RBMS3: variants seen among roughly 807,000 people sequenced by gnomAD.
RBMS3 encodes the protein RNA binding motif single stranded interacting protein 3.
A neutral mutation model predicts 66.8 loss-of-function variants in RBMS3; 27 were observed. That is an observed-to-expected ratio of 0.40 (90% CI 0.30 to 0.56). The LOEUF is 0.56. Ranked by LOEUF, RBMS3 falls within the 20% of genes least tolerant of loss-of-function variation. The probability of loss-of-function intolerance (pLI) is 0.40; values close to 1 mark genes in which losing one functional copy is unlikely to be tolerated. For synonymous variants in RBMS3, 188 were observed against 183.0 expected, an observed-to-expected ratio of 1.03 and a Z score of -0.22; for missense variants, 513 against 549.5, an observed-to-expected ratio of 0.93 and a Z score of 0.66.
intron 1 of RBMS3, among the ~76,000 whole-genome samples, chr3:29,410,740 C>T (rs1411750512): frequency 6.6e-6 from 1 of 151,868 alleles, no homozygotes; most frequent in Non-Finnish European, 1.5e-5. Flanking sequence ...CATGATGAGC[C>T]CTCTGTTTAA....
chr3:29,514,973 G>C (rs1374978575), intron 3 of RBMS3, among the ~76,000 whole-genome samples: 2 of 152,034 alleles, frequency 1.3e-5, no homozygotes, highest in Admixed American at 6.6e-5. Context: ...GCATTTCACA[G>C]ATGAGGGTAA....
intron 8 of RBMS3, among the ~76,000 whole-genome samples, chr3:29,886,314 G>A (rs1052377112): frequency 2.0e-5 from 3 of 151,748 alleles, no homozygotes; most frequent in African/African-American, 7.3e-5. Flanking sequence ...TATTCTTTTG[G>A]GTGAGTGTTA....
chr3:29,968,710 G>A (rs1697029508), intron 12 of RBMS3, among the ~76,000 whole-genome samples: 1 of 152,082 alleles, frequency 6.6e-6, no homozygotes, highest in African/African-American at 2.4e-5. Context: ...GTGCTTCCTG[G>A]GTCCTGCAGG....
At chr3:29,799,346 T>A (rs774059929) in intron 6 of RBMS3, among the ~76,000 whole-genome samples, 2 of 152,158 alleles carry the variant, frequency 1.3e-5, no homozygotes, top group African/African-American at 4.8e-5. Context: ...TTTCAAAACT[T>A]GTCTTTAAAT....
intron 12 of RBMS3, among the ~76,000 whole-genome samples, chr3:29,953,898 A>T (rs907536399): frequency 2.0e-5 from 3 of 151,786 alleles, no homozygotes; most frequent in East Asian, 3.9e-4. Flanking sequence ...CCGATCTTCA[A>T]ATGTTTGTTT....
chr3:29,432,077 G>A (rs558041208), intron 1 of RBMS3, among the ~76,000 whole-genome samples: 25 of 152,132 alleles, frequency 1.6e-4, no homozygotes, highest in Non-Finnish European at 2.9e-4. Flanking sequence ...AAAATAAGGG[G>A]CATAAAAGGT....
chr3:29,528,064 C>G (rs2045203580), intron 3 of RBMS3, among the ~76,000 whole-genome samples: 1 of 149,636 alleles, frequency 6.7e-6, no homozygotes, highest in Non-Finnish European at 1.5e-5. Flanking sequence ...GTTAAGTGAT[C>G]AAGAAATGCT....
chr3:29,722,186 T>A (rs2053669532), intron 4 of RBMS3, among the ~76,000 whole-genome samples: 1 of 152,202 alleles, frequency 6.6e-6, no homozygotes. Flanking sequence ...TTGTTTATTT[T>A]ATTTTTTCAG....
intron 5 of RBMS3, among the ~76,000 whole-genome samples, chr3:29,753,164 C>G (rs1249351985): frequency 6.6e-6 from 1 of 152,128 alleles, no homozygotes; most frequent in Non-Finnish European, 1.5e-5. Context: ...CAGGGTTGAG[C>G]CCTTTAATGA....
At chr3:29,515,045 A>G (rs889667232) in intron 3 of RBMS3, among the ~76,000 whole-genome samples, 3 of 152,154 alleles carry the variant, frequency 2.0e-5, no homozygotes, top group Non-Finnish European at 2.9e-5. Flanking sequence ...GAGTCCAGGA[A>G]GTTCCCAAAT....
chr3:29,927,490 G>T (rs1196569535), intron 10 of RBMS3, among the ~76,000 whole-genome samples: 1 of 152,176 alleles, frequency 6.6e-6, no homozygotes, highest in Non-Finnish European at 1.5e-5. Context: ...AAGAAATAAA[G>T]TTTGATCATG....
intron 6 of RBMS3, among the ~76,000 whole-genome samples, chr3:29,858,279 T>G (rs184446880): frequency 6.6e-6 from 1 of 152,306 alleles, no homozygotes; most frequent in African/African-American, 2.4e-5. Context: ...CTTGTACCTC[T>G]TTCTAATAAA....
rs2059420147 is a variant in RBMS3, at chr3:29,868,804, A to G, written c.638-54A>G. ...AAGCACTACTGTGACTCACATAATC[A>G]CTTAGTTTTTAAGGGGGAGTTGTTA... On this transcript the variant is annotated intron_variant, in intron 6 of 14. Transcript: ENST00000383767. The G allele has an allele frequency of 1.1e-5, 15 of 1,401,162 alleles. No homozygotes were observed. In the South Asian group the frequency reaches 1.9e-4, roughly 17 times the overall value. 86.8% of individuals were successfully genotyped at this position (1,401,162 alleles called of 1,614,324 possible). A position where few individuals can be genotyped will look rare whatever the true frequency, so the allele number is the denominator to read the frequency against.
At chr3:29,637,054 C>T (rs2049503602) in intron 4 of RBMS3, among the ~76,000 whole-genome samples, 1 of 151,902 alleles carries the variant, frequency 6.6e-6, no homozygotes, top group Non-Finnish European at 1.5e-5. Flanking sequence ...AAGTTTCTCA[C>T]ATAGGAGCAT....
intron 6 of RBMS3, among the ~76,000 whole-genome samples, chr3:29,801,263 G>GCTTTCTTT (rs1559685804): frequency 1.2e-5 from 1 of 83,614 alleles, no homozygotes; most frequent in Non-Finnish European, 2.8e-5. Context: ...AAGAATCATT[G>GCTTTCTTT]CTTTTTTTCT....
chr3:29,649,786 A>G (rs905641845), intron 4 of RBMS3, among the ~76,000 whole-genome samples: 2 of 152,198 alleles, frequency 1.3e-5, no homozygotes, highest in African/African-American at 2.4e-5. Context: ...ATGTATATGC[A>G]TATGTTCTCC....
At chr3:29,897,235 A>G (rs1297888371) in intron 8 of RBMS3, 144 bp from the exon 9 acceptor site, 2 of 660,080 alleles carry the variant, frequency 3.0e-6, no homozygotes, top group African/African-American at 1.8e-5. Flanking sequence ...CAAATAATGT[A>G]AATCTCCTAG....
chr3:29,863,805 G>A (rs1013140340), intron 6 of RBMS3, among the ~76,000 whole-genome samples: 1 of 152,084 alleles, frequency 6.6e-6, no homozygotes, highest in Non-Finnish European at 1.5e-5. Flanking sequence ...TTATATATTT[G>A]ATCCTTGGCA....
chr3:29,331,499 A>T (rs540816477), intron 1 of RBMS3, among the ~76,000 whole-genome samples: 85 of 152,184 alleles, frequency 5.6e-4, no homozygotes, highest in African/African-American at 2.0e-3. Flanking sequence ...TTGTTTCCCC[A>T]TGATTTCCTT....
Sources: allele counts gnomAD v4.1 joint callset (sites outside exome capture counted in the v4.1 genomes callset), GRCh38; gene constraint gnomAD v4.1.1; transcripts MANE v1.5; gene names NCBI Gene and HGNC (gene_info 2026-07-23, HGNC 2026-07-21).